SGK1: variants seen among roughly 807,000 people sequenced by gnomAD.
The protein encoded by SGK1 is serum/glucocorticoid regulated kinase 1.
SGK1 carries 26 observed loss-of-function variants against 64.2 expected under a neutral mutation model. The observed-to-expected ratio is 0.40, with a 90% CI of 0.30 to 0.56. The LOEUF is 0.56. SGK1 is among the 20% of genes least tolerant of loss of function. SGK1 has a pLI of 0.38. For missense variants in SGK1, 519 were observed against 645.6 expected, an observed-to-expected ratio of 0.80 and a Z score of 2.12; for synonymous variants, 265 against 239.7, an observed-to-expected ratio of 1.11 and a Z score of -0.98.
At chr6:134,194,579 C>T (rs1236893877) in intron 3 of SGK1, among the ~76,000 whole-genome samples, 3 of 148,396 alleles carry the variant, frequency 2.0e-5, no homozygotes, top group Non-Finnish European at 4.4e-5. Context: ...AGTGCAGTGG[C>T]ACGATCTCGG....
At chr6:134,238,738 CA>C (rs1776400314) in intron 2 of SGK1, among the ~76,000 whole-genome samples, 1 of 152,084 alleles carries the variant, frequency 6.6e-6, no homozygotes, top group South Asian at 2.1e-4. Context: ...AAAGTAAAAA[CA>C]ATTTTTTCCT....
chr6:134,248,443 GC>G (rs1372909804), intron 2 of SGK1, among the ~76,000 whole-genome samples: 9 of 128,210 alleles, frequency 7.0e-5, no homozygotes, highest in Admixed American at 4.0e-4. Context: ...GCTCTCCTCC[GC>G]CTTTTTTTTT....
chr6:134,185,241 G>C (rs1460782189), intron 3 of SGK1, among the ~76,000 whole-genome samples: 2 of 152,130 alleles, frequency 1.3e-5, no homozygotes, highest in African/African-American at 4.8e-5. Flanking sequence ...CTCATAGACT[G>C]TTTTCTTTCT....
chr6:134,179,839 TGACGGGAGG>T (rs1205767185), intron 3 of SGK1, among the ~76,000 whole-genome samples: 1 of 152,200 alleles, frequency 6.6e-6, no homozygotes, highest in Admixed American at 6.5e-5. Flanking sequence ...ATAGGAAAAT[TGACGGGAGG>T]GTAGGAACAA....
At chr6:134,175,008 G>A in intron 3 of SGK1, 1 of 1,114,164 alleles carries the variant, frequency 9.0e-7, no homozygotes, top group Non-Finnish European at 1.2e-6. Flanking sequence ...TACGCTGCCT[G>A]CGGCGGGCGG....
chr6:134,273,365 C>A (rs1012513108), intron 1 of SGK1, among the ~76,000 whole-genome samples: 1 of 146,214 alleles, frequency 6.8e-6, no homozygotes, highest in Non-Finnish European at 1.5e-5. Flanking sequence ...CCGAGGTGGG[C>A]GGATCACGAG....
intron 2 of SGK1, among the ~76,000 whole-genome samples, chr6:134,232,406 A>G (rs1776293668): frequency 4.1e-5 from 1 of 24,318 alleles, no homozygotes; most frequent in Non-Finnish European, 9.3e-5. Context: ...GAAGAAAAAG[A>G]AAGAAAGAGA....
In SGK1 at chr6:134,264,645, T is replaced by TATTA. The variant is rs1469641540; in HGVS notation, c.70-2498_70-2497insTAAT. 2.4e-3 allele frequency among the ~76,000 whole-genome samples: 365 copies of TATTA among 151,232 alleles called. 1 individual carries two copies. The highest frequency in any genetic ancestry group is 8.3e-3 in the African/African-American group (338 of 40,694). ...ATGCTACAATTATTATTATTATTAT[T>TATTA]TTTGTTGTTGTTGTTGTTAAAGGGT... On this transcript the variant is annotated intron_variant, in intron 1 of 13. Coordinates refer to ENST00000367858, the MANE Select transcript of SGK1 (RefSeq NM_001143676.3).
At chr6:134,175,641 C>A in intron 3 of SGK1, 1 of 1,528,856 alleles carries the variant, frequency 6.5e-7, no homozygotes, top group Non-Finnish European at 8.8e-7. Flanking sequence ...CTCTGGCCAG[C>A]GCGCCCTGCA....
intron 1 of SGK1, among the ~76,000 whole-genome samples, chr6:134,295,738 T>TATA (rs1441556766): frequency 2.7e-5 from 4 of 148,960 alleles, no homozygotes; most frequent in Non-Finnish European, 5.9e-5. Flanking sequence ...GATGGCAACC[T>TATA]GGAGGATTCT....
chr6:134,266,046 C>T (rs982177364), intron 1 of SGK1, among the ~76,000 whole-genome samples: 9 of 151,932 alleles, frequency 5.9e-5, no homozygotes, highest in Non-Finnish European at 7.4e-5. Flanking sequence ...TGCAGTGGCG[C>T]GATCTCAGCT....
At chr6:134,214,988 A>G (rs1158131958) in intron 2 of SGK1, 3 of 441,464 alleles carry the variant, frequency 6.8e-6, no homozygotes, top group Non-Finnish European at 4.5e-6. Context: ...TTGTTTTGAC[A>G]TCTAGAAGTA....
chr6:134,172,616 T>C (rs1775066346), intron 9 of SGK1, 46 bp downstream of exon 9: 1 of 1,260,416 alleles, frequency 7.9e-7, no homozygotes, highest in Non-Finnish European at 1.2e-6. Context: ...CAGTGCTACG[T>C]CTCCTTTATA....
At chr6:134,210,810 T>A (rs1582713521) in intron 2 of SGK1, among the ~76,000 whole-genome samples, 4 of 67,422 alleles carry the variant, frequency 5.9e-5, no homozygotes, top group South Asian at 4.1e-4. Flanking sequence ...AGACTCCGTC[T>A]CAAAAAAAAA....
intron 3 of SGK1, among the ~76,000 whole-genome samples, chr6:134,177,112 G>A (rs902345976): frequency 2.0e-5 from 3 of 152,118 alleles, no homozygotes; most frequent in Non-Finnish European, 4.4e-5. Flanking sequence ...TACTCGGGAG[G>A]CTGAGGCAGG....
intron 2 of SGK1, among the ~76,000 whole-genome samples, chr6:134,235,827 G>A (rs1169092108): frequency 2.0e-5 from 3 of 151,986 alleles, no homozygotes; most frequent in Non-Finnish European, 4.4e-5. Flanking sequence ...CTCTCTCCTC[G>A]GTCTCCCAAA....
At chr6:134,226,904 C>T (rs1776191750) in intron 2 of SGK1, among the ~76,000 whole-genome samples, 2 of 151,758 alleles carry the variant, frequency 1.3e-5, no homozygotes, top group Non-Finnish European at 1.5e-5. Context: ...CCCAGGCTGG[C>T]CTTGAACTCC....
chr6:134,207,582 T>C (rs796466837), intron 2 of SGK1, among the ~76,000 whole-genome samples, 151 bp from the exon 3 acceptor site: 13 of 152,336 alleles, frequency 8.5e-5, no homozygotes, highest in African/African-American at 2.9e-4. Flanking sequence ...CTCAGGACCG[T>C]GCTGGGTATA....
chr6:134,183,042 T>C (rs1027842025), intron 3 of SGK1, among the ~76,000 whole-genome samples: 1 of 152,176 alleles, frequency 6.6e-6, no homozygotes, highest in Non-Finnish European at 1.5e-5. Context: ...GTCATACTTA[T>C]CGTGCTTTTT....
Sources: allele counts gnomAD v4.1 joint callset (sites outside exome capture counted in the v4.1 genomes callset), GRCh38; gene constraint gnomAD v4.1.1; transcripts MANE v1.5; gene names NCBI Gene and HGNC (gene_info 2026-07-23, HGNC 2026-07-21).